The following SDSL variants were observed in gnomAD, a reference collection of about 807,000 sequenced individuals.
The protein encoded by SDSL is serine dehydratase like.
Under a neutral mutation model 27.6 loss-of-function variants are expected in SDSL, and 26 were observed. The ratio of observed to expected loss-of-function variants is 0.94; its 90% CI spans 0.69 to 1.31. The LOEUF (loss-of-function observed/expected upper bound fraction) is 1.31, where lower values mean the gene tolerates loss of function less well. Among genes scored for constraint, SDSL ranks in the 50% most tolerant of loss-of-function variants. SDSL has a pLI of 0.00. For synonymous variants in SDSL, 196 were observed against 180.6 expected (o/e 1.09, Z -0.69); for missense variants, 431 against 423.5 (o/e 1.02, Z -0.16).
chr12:113,434,187 G>A lies in SDSL; in HGVS notation c.408G>A (p.Trp136Ter), dbSNP rs916366797. Residue 136 changes from tryptophan (W) to a stop codon, truncating the protein, a stop_gained, in exon 5 of 8, where the codon TGG (tryptophan) becomes TGA (stop). Transcript: ENST00000403593. LOFTEE classifies it high-confidence loss of function. ...RAQELAKRDGWENVPPFDHPL... is the reference protein window; with the variant it reads ...RAQELAKRDG Reference sequence around the variant, plus strand: ...AAGAGTTGGCCAAGAGGGACGGCTGGGAGAATGTCCCCCCGTTTGACCACC... The same window carrying A: ...AAGAGTTGGCCAAGAGGGACGGCTGAGAGAATGTCCCCCCGTTTGACCACC... 6.2e-7 allele frequency: 1 copy of A among 1,613,654 alleles called. No individual in the cohort carries two copies. The highest frequency in any genetic ancestry group is 1.3e-5 in the African/African-American group (1 of 75,046).
chr12:113,426,583 G>A (rs575336661), intron 1 of SDSL, among the ~76,000 whole-genome samples: 1 of 152,296 alleles, frequency 6.6e-6, no homozygotes, highest in Admixed American at 6.5e-5. Context: ...TTTAAGTATA[G>A]AATTCAATGT....
intron 5 of SDSL, among the ~76,000 whole-genome samples, chr12:113,434,716 C>T (rs1212571969): frequency 1.3e-5 from 2 of 152,240 alleles, no homozygotes; most frequent in Non-Finnish European, 2.9e-5. Context: ...ATTGCCATTG[C>T]CTCTTTGCAA....
chr12:113,431,886 G>T (rs1957926307), intron 4 of SDSL, among the ~76,000 whole-genome samples: 1 of 150,904 alleles, frequency 6.6e-6, no homozygotes. Flanking sequence ...CTACAGGCCA[G>T]CTACTACAGC....
rs371602229 is a variant in SDSL, at chr12:113,434,143, G to T, written c.364G>T (p.Glu122Ter). Residue 122 changes from glutamate to a stop codon, truncating the protein, a stop_gained, in exon 5 of 8, where the codon GAG becomes TAG. Transcript: ENST00000403593. LOFTEE classifies it high-confidence loss of function. Reference protein sequence around the residue: ...EVQLTGKVWDEANLRAQELAK... With the variant: ...EVQLTGKVWD ...CTTGGTTTCTCTGTAGGTCTGGGAC[G>T]AGGCCAATCTGAGGGCGCAAGAGTT... 1.7e-5 allele frequency: 27 copies of T among 1,613,490 alleles called. No homozygotes were observed. The highest frequency in any genetic ancestry group is 1.9e-5 in the Non-Finnish European group (23 of 1,179,750).
In SDSL at chr12:113,428,109, C is replaced by G; in HGVS notation, c.127C>G (p.Pro43Ala). 1 of 1,613,622 alleles carries G rather than the reference C, an allele frequency of 6.2e-7. No homozygotes were observed. Among genetic ancestry groups the G allele is most frequent in the South Asian group, 1.1e-5 (1 of 90,912 alleles). The change falls in exon 2 of 8, where the codon CCC becomes GCC. Residue 43 changes from proline to alanine, a missense_variant. By Grantham distance (27) the Pro-to-Ala change is conservative (BLOSUM62 -1). Coordinates refer to ENST00000403593, the MANE Select transcript of SDSL (RefSeq NM_001304993.2). ...PVFLKCENVQ[P>A]SGSFKIRGIG... ...CTTCCTCAAGTGTGAGAATGTGCAGCCCAGCGGCTCCTTCAAGATTCGGGG... is the reference window on the plus strand; with the variant it reads ...CTTCCTCAAGTGTGAGAATGTGCAGGCCAGCGGCTCCTTCAAGATTCGGGG...
At chr12:113,437,773 A>C in intron 7 of SDSL, 113 bp from the exon 8 acceptor site, 1 of 955,930 alleles carries the variant, frequency 1.0e-6, no homozygotes, top group Non-Finnish European at 1.6e-6. Flanking sequence ...GAGCAGATGA[A>C]TGGCTGACTG....
chr12:113,428,666 A>G (rs562371711), intron 3 of SDSL, among the ~76,000 whole-genome samples: 9 of 152,228 alleles, frequency 5.9e-5, no homozygotes, highest in Non-Finnish European at 1.3e-4. Context: ...CCCAATTCAT[A>G]TAGGTTTAAG....
intron 4 of SDSL, 98 bp from the exon 5 acceptor site, chr12:113,434,036 C>T (rs1957962052): frequency 2.0e-6 from 2 of 983,578 alleles, no homozygotes; most frequent in South Asian, 3.1e-5. Flanking sequence ...CCCCAGACTA[C>T]TAGATCCTGG....
intron 1 of SDSL, among the ~76,000 whole-genome samples, chr12:113,424,175 A>G (rs1472029558): frequency 5.9e-5 from 9 of 152,040 alleles, no homozygotes; most frequent in Admixed American, 5.9e-4. Context: ...GGCATGCGCC[A>G]CCATGCCCGG....
chr12:113,435,288 C>T, intron 5 of SDSL, 41 bp from the exon 6 acceptor site: 1 of 1,390,496 alleles, frequency 7.2e-7, no homozygotes. Flanking sequence ...GGGCTGGGGT[C>T]CTCCCTCACT....
intron 5 of SDSL, 129 bp downstream of exon 5, chr12:113,434,351 T>C: frequency 1.5e-6 from 1 of 658,462 alleles, no homozygotes; most frequent in Non-Finnish European, 2.6e-6. Flanking sequence ...CAGGCAGACA[T>C]GGGTTCAGAT....
chr12:113,426,255 T>C (rs1454194605), intron 1 of SDSL: 2 of 455,730 alleles, frequency 4.4e-6, no homozygotes, highest in Non-Finnish European at 8.8e-6. Context: ...TCCTCTTGGC[T>C]CTCTTCCTGT....
intron 1 of SDSL, chr12:113,426,030 C>A (rs868446233): frequency 2.6e-6 from 1 of 389,016 alleles, no homozygotes; most frequent in Non-Finnish European, 5.2e-6. Flanking sequence ...CCTCCACCAC[C>A]ACCTCCCAAT....
At chr12:113,436,555 C>T (rs1957996673) in intron 6 of SDSL, among the ~76,000 whole-genome samples, 196 bp from the exon 7 acceptor site, 1 of 152,156 alleles carries the variant, frequency 6.6e-6, no homozygotes, top group African/African-American at 2.4e-5. Flanking sequence ...TCCCAAAGTG[C>T]TGGGATTACA....
At chr12:113,434,712 A>G (rs990070185) in intron 5 of SDSL, among the ~76,000 whole-genome samples, 1 of 152,214 alleles carries the variant, frequency 6.6e-6, no homozygotes, top group African/African-American at 2.4e-5. Flanking sequence ...ACACATTGCC[A>G]TTGCCTCTTT....
intron 4 of SDSL, among the ~76,000 whole-genome samples, chr12:113,432,985 G>A (rs1440842757): frequency 6.6e-6 from 1 of 152,184 alleles, no homozygotes; most frequent in Non-Finnish European, 1.5e-5. Flanking sequence ...ACACACAAAT[G>A]CAGATCTTTT....
rs779948731 is a variant in SDSL at position 113,429,300 on chromosome 12, G to GT, written c.354+2dup. ...GGCCGAGGTTCAGCTGACTGGAAAG[G>GT]TAAGGGCTCTGGGAAGGGGAGAACC... On this transcript the variant is annotated splice_donor_variant, in intron 4 of 7. Transcript: ENST00000403593. LOFTEE classifies it high-confidence loss of function. The GT allele has an allele frequency of 2.6e-5, 41 of 1,607,490 alleles. No homozygotes were observed. The highest frequency in any genetic ancestry group is 3.5e-5 in the Non-Finnish European group (41 of 1,174,642).
chr12:113,425,820 T>A, intron 1 of SDSL: 1 of 423,028 alleles, frequency 2.4e-6, no homozygotes. Context: ...AAACCCCGTC[T>A]CTACAAAAAA....
Position 113,433,206 on chromosome 12 carries a change from G to C in SDSL, c.355-928G>C, listed in dbSNP as rs144466508. Among the ~76,000 whole-genome samples the C allele has an allele frequency of 5.2e-3, 795 of 152,304 alleles. 4 individuals carry two copies. Among genetic ancestry groups the C allele is most frequent in the Non-Finnish European group, 7.9e-3 (534 of 68,024 alleles). On this transcript the variant is annotated intron_variant, in intron 4 of 7. Transcript: ENST00000403593. The stretch of plus-strand genomic sequence containing the variant: ...TCAGCCAGATGGGAAATTCCTTGCA[G>C]TCAGAGACCATTTCTTGGCTTCTCT...
Sources: gnomAD v4.1 joint callset for allele counts (sites outside exome capture counted in the v4.1 genomes callset) on GRCh38, gnomAD v4.1.1 for gene constraint, MANE v1.5 for transcripts, NCBI Gene and HGNC (gene_info 2026-07-23, HGNC 2026-07-21) for gene names.